The following DDX41 variants were observed in gnomAD, a reference collection of about 807,000 sequenced individuals.
DDX41 encodes the protein DEAD-box helicase 41.
Under a neutral mutation model 78.8 loss-of-function variants are expected in DDX41, and 50 were observed. The ratio of observed to expected loss-of-function variants is 0.63; its 90% CI spans 0.51 to 0.80. The LOEUF (loss-of-function observed/expected upper bound fraction) is 0.80. Ranked by LOEUF, DDX41 falls within the 30% of genes least tolerant of loss-of-function variation. The pLI is 0.00. For missense variants in DDX41, 633 were observed against 849.2 expected, an observed-to-expected ratio of 0.75 and a Z score of 3.16; for synonymous variants, 381 against 321.5, an observed-to-expected ratio of 1.19 and a Z score of -1.98.
chr5:177,516,182 ACT>A lies in DDX41; in HGVS notation c.308_309del (p.Glu103ValfsTer31). ...TCCTTCAGCTGCTTCTCCTTGGCAG[ACT>A]CTTTGCGCGCTGAGAAAAGAAGTGG... is the stretch of plus-strand genomic sequence containing the variant. ...HLKEKAEARKESAKEKQLKEE... is the reference protein window; with the variant it reads ...HLKEKAEARKXSAKEKQLKEE... On this transcript the variant is annotated frameshift_variant, in exon 4 of 17. Transcript: ENST00000330503. LOFTEE classifies it high-confidence loss of function. 6.2e-7 allele frequency: 1 copy of A among 1,613,962 alleles called. No individual in the cohort carries two copies. Among genetic ancestry groups the A allele is most frequent in the Non-Finnish European group, 8.5e-7 (1 of 1,180,016 alleles).
chr5:177,513,569 C>T lies in DDX41; in HGVS notation c.1099-85G>A. 1 of 1,608,572 alleles carries T rather than the reference C, an allele frequency of 6.2e-7. No individual in the cohort carries two copies. The highest frequency in any genetic ancestry group is 1.1e-5 in the South Asian group (1 of 90,724). On this transcript the variant is annotated intron_variant, in intron 10 of 16. Transcript: ENST00000330503. The surrounding 1 kb of genome is among the most constrained non-coding windows in gnomAD (Gnocchi z 4.6). The stretch of plus-strand genomic sequence containing the variant: ...CTGGGGAAGCTGAGCAACTGAGACA[C>T]AGCCCACAAAGTATGAGCAGTGGGT...
At position 177,514,905 on chromosome 5, in the gene DDX41, G is replaced by A; in HGVS notation, c.798+11C>T. The A allele has an allele frequency of 6.2e-7, 1 of 1,603,342 alleles. No homozygotes were observed. Among genetic ancestry groups the A allele is most frequent in the Non-Finnish European group, 8.5e-7 (1 of 1,171,414 alleles). On this transcript the variant is annotated intron_variant, in intron 8 of 16. Transcript: ENST00000330503. The surrounding 1 kb of genome is among the most constrained non-coding windows in gnomAD (Gnocchi z 4.2). Reference sequence around the variant, plus strand: ...AATCTCTGGCCTGCCCTCCAGGCCAGCCTATCTTACCGAGGGGCAGATGAT... The same window carrying A: ...AATCTCTGGCCTGCCCTCCAGGCCAACCTATCTTACCGAGGGGCAGATGAT...
At position 177,516,766 on chromosome 5, in the gene DDX41, AGTCCTCGTC is replaced by A; in HGVS notation, c.88_96del (p.Asp30_Asp32del). On this transcript the variant is annotated inframe_deletion, in exon 2 of 17. Coordinates refer to ENST00000330503, the MANE Select transcript of DDX41 (RefSeq NM_016222.4). ...TGCCGTAACGGCACATAGGGCACGTAGTCCTCGTCGTCCTCATCTTCCGCCTCGGAGCGG... is the reference window on the plus strand; with the variant it reads ...TGCCGTAACGGCACATAGGGCACGTAGTCCTCATCTTCCGCCTCGGAGCGG... 2 of 1,611,822 alleles carry A rather than the reference AGTCCTCGTC, an allele frequency of 1.2e-6. No homozygotes were observed. Among genetic ancestry groups the A allele is most frequent in the Non-Finnish European group, 1.7e-6 (2 of 1,179,450 alleles).
At chr5:177,512,931 C>T in intron 12 of DDX41, 55 bp from the exon 13 acceptor site, 1 of 1,606,828 alleles carries the variant, frequency 6.2e-7, no homozygotes, top group Non-Finnish European at 8.5e-7. Context: ...ACCCACCGCA[C>T]CTCCCCTGGC....
In DDX41 at chr5:177,513,150, C is replaced by T; in HGVS notation, c.1231-68G>A. The T allele has an allele frequency of 6.4e-7, 1 of 1,564,790 alleles. No individual in the cohort carries two copies. The highest frequency in any genetic ancestry group is 8.7e-7 in the Non-Finnish European group (1 of 1,144,212). ...TTACCCGCCACAGCCCTGCCATGGC[C>T]CGTCATCTGGACCAGGAGGTGACCA... On this transcript the variant is annotated intron_variant, in intron 11 of 16. Coordinates refer to ENST00000330503, the MANE Select transcript of DDX41 (RefSeq NM_016222.4). The surrounding 1 kb of genome is among the most constrained non-coding windows in gnomAD (Gnocchi z 4.6).
chr5:177,512,535 C>T lies in DDX41; in HGVS notation c.1510G>A (p.Val504Ile), dbSNP rs753078023. 3.7e-6 allele frequency: 6 copies of T among 1,614,032 alleles called. No individual in the cohort carries two copies. Among genetic ancestry groups the T allele is most frequent in the Non-Finnish European group, 3.4e-6 (4 of 1,180,040 alleles). The change falls in exon 14 of 17, where the codon GTC (valine) becomes ATC (isoleucine). Residue 504 changes from valine (V) to isoleucine (I), a missense_variant. Val to Ile is a conservative substitution (Grantham distance 29). Coordinates refer to ENST00000330503, the MANE Select transcript of DDX41 (RefSeq NM_016222.4). ...TCCTCTGGCATGTCATAATTGATGA[C>T]GTGCTGGATGGCAGGGAAGTCCAGG... ...KGLDFPAIQH[V>I]INYDMPEEIE...
rs769920691 is a variant in DDX41 at position 177,516,235 on chromosome 5, G to T, written c.299-42C>A. Reference sequence around the variant, plus strand: ...AAGATGTCAGACAGATACCAAAACGGTGTACCAGGCTCAGCTTCTTCTTTC... The same window carrying T: ...AAGATGTCAGACAGATACCAAAACGTTGTACCAGGCTCAGCTTCTTCTTTC... On this transcript the variant is annotated intron_variant, in intron 3 of 16. Transcript: ENST00000330503. 5.0e-6 allele frequency: 8 copies of T among 1,614,022 alleles called. No homozygotes were observed. The Admixed American group carries it at 6.7e-5, about 13-fold the overall frequency.
rs1035270046 is a variant in DDX41 at position 177,515,277 on chromosome 5, A to G, written c.572-19T>C. The G allele has an allele frequency of 2.9e-5, 46 of 1,613,636 alleles. No homozygotes were observed. The highest frequency in any genetic ancestry group is 3.7e-5 in the Non-Finnish European group (44 of 1,179,822). Reference sequence around the variant, plus strand: ...AGGATGGCTATGAAAACCAACCGACATCGTCTTCATGACTCACAGGTACTT... The same window carrying G: ...AGGATGGCTATGAAAACCAACCGACGTCGTCTTCATGACTCACAGGTACTT... On this transcript the variant is annotated intron_variant, in intron 6 of 16. Transcript: ENST00000330503.
At position 177,514,110 on chromosome 5, in the gene DDX41, C is replaced by T; in HGVS notation, c.936-263G>A. ...CTCACCCAGAAGCGCTGTCATCAAG[C>T]TCCAGAGGCTTTACTCTGGGCTCGC... On this transcript the variant is annotated intron_variant, in intron 9 of 16. Coordinates refer to ENST00000330503, the MANE Select transcript of DDX41 (RefSeq NM_016222.4). The surrounding 1 kb of genome is among the most constrained non-coding windows in gnomAD (Gnocchi z 4.2). The T allele has an allele frequency of 1.6e-6, 1 of 641,856 alleles. No homozygotes were observed. The allele number at this position is 641,856 out of a possible 1,614,324, so 39.8% of individuals were successfully genotyped here.
rs1324464364 is a variant in DDX41 at position 177,515,999 on chromosome 5, G to A, written c.374-10C>T. The stretch of plus-strand genomic sequence containing the variant: ...TTCACTGACATCAATGCTGAAGAGA[G>A]AGACATGGCTCAGGGCTGGCTCCTG... On this transcript the variant is annotated splice_polypyrimidine_tract_variant and intron_variant, in intron 4 of 16. Transcript: ENST00000330503. The A allele has an allele frequency of 1.2e-6, 2 of 1,614,216 alleles. No homozygotes were observed. The highest frequency in any genetic ancestry group is 2.2e-5 in the East Asian group (1 of 44,888).
In DDX41 at chr5:177,514,422, A is replaced by C; in HGVS notation, c.935+279T>G. On this transcript the variant is annotated intron_variant, in intron 9 of 16. Transcript: ENST00000330503. The surrounding 1 kb of genome is among the most constrained non-coding windows in gnomAD (Gnocchi z 4.2). The stretch of plus-strand genomic sequence containing the variant: ...TCAGCCTGGACTGCCCCTCTTCCCA[A>C]TTCAAATGTCACCTTCCCGGAAAAG... The C allele has an allele frequency of 1.9e-6, 1 of 537,232 alleles. No individual in the cohort carries two copies. The highest frequency in any genetic ancestry group is 2.0e-5 in the South Asian group (1 of 50,052). 33.3% of individuals were successfully genotyped at this position (537,232 alleles called of 1,614,324 possible). A position where few individuals can be genotyped will look rare whatever the true frequency, so the allele number is the denominator to read the frequency against.
Position 177,513,799 on chromosome 5 carries a change from C to A in DDX41, c.984G>T (p.Leu328=), listed in dbSNP as rs754052450. 1.9e-6 allele frequency: 3 copies of A among 1,613,712 alleles called. No homozygotes were observed. Among genetic ancestry groups the A allele is most frequent in the African/African-American group, 2.7e-5 (2 of 74,912 alleles). Residue 328 remains leucine, a synonymous_variant, in exon 10 of 17, where the codon CTG becomes CTT. Coordinates refer to ENST00000330503, the MANE Select transcript of DDX41 (RefSeq NM_016222.4). This position sits in a 1 kb window ranked among gnomAD's most constrained non-coding sequence, Gnocchi z 4.6. ...TGTCTAGGCTGACCATCTTCTTCTG[C>A]AGCAAATCCATGAGGCGCCCCGGGG... ...VATPGRLMDL[L]QKKMVSLDIC...
At position 177,516,957 on chromosome 5, in the gene DDX41, C is replaced by T; in HGVS notation, c.-12G>A. The T allele has an allele frequency of 6.2e-7, 1 of 1,607,944 alleles. No individual in the cohort carries two copies. Among genetic ancestry groups the T allele is most frequent in the Non-Finnish European group, 8.5e-7 (1 of 1,175,844 alleles). ...TCCGACTCCTCCATTCTTTGCTGCA[C>T]GCATGCGCGCCACGGCGAAACCCCG... On this transcript the variant is annotated 5_prime_UTR_variant, in exon 1 of 17. It adds an upstream start codon to the 5' untranslated region. Coordinates refer to ENST00000330503, the MANE Select transcript of DDX41 (RefSeq NM_016222.4).
chr5:177,514,661 C>A lies in DDX41; in HGVS notation c.935+40G>T. The stretch of plus-strand genomic sequence containing the variant: ...GTCCTTTAGCTTTTCCACAGACTCG[C>A]AGGTGGCAGAGGTGGGGGGCAGGGA... On this transcript the variant is annotated intron_variant, in intron 9 of 16. Coordinates refer to ENST00000330503, the MANE Select transcript of DDX41 (RefSeq NM_016222.4). The surrounding 1 kb of genome is among the most constrained non-coding windows in gnomAD (Gnocchi z 4.2). 1 of 1,588,676 alleles carries A rather than the reference C, an allele frequency of 6.3e-7. No individual in the cohort carries two copies. The highest frequency in any genetic ancestry group is 8.6e-7 in the Non-Finnish European group (1 of 1,165,510).
chr5:177,516,355 G>T lies in DDX41; in HGVS notation c.231C>A (p.Ile77=). 6.2e-7 allele frequency: 1 copy of T among 1,614,118 alleles called. No homozygotes were observed. Among genetic ancestry groups the T allele is most frequent in the South Asian group, 1.1e-5 (1 of 91,082 alleles). ...GSEPRGDEDD[I]PLGPQSNVSL... is the part of the protein sequence containing the mutation. ...TGACGTTGGACTGAGGGCCTAGCGG[G>T]ATGTCGTCCTCATCTCCCCGGGGTT... is the stretch of plus-strand genomic sequence containing the variant. The change falls in exon 3 of 17, where the codon ATC becomes ATA. Residue 77 remains isoleucine, a synonymous_variant. Transcript: ENST00000330503.
chr5:177,513,167 A>G lies in DDX41; in HGVS notation c.1231-85T>C, dbSNP rs1193380045. ...GCCATGGCCCGTCATCTGGACCAGG[A>G]GGTGACCAGAAGCCTCTGGCCGCCA... On this transcript the variant is annotated intron_variant, in intron 11 of 16. Coordinates refer to ENST00000330503, the MANE Select transcript of DDX41 (RefSeq NM_016222.4). This position sits in a 1 kb window ranked among gnomAD's most constrained non-coding sequence, Gnocchi z 4.6. 1.3e-6 allele frequency: 2 copies of G among 1,536,384 alleles called. No individual in the cohort carries two copies. Among genetic ancestry groups the G allele is most frequent in the Non-Finnish European group, 8.9e-7 (1 of 1,123,714 alleles).
At chr5:177,515,860 T>G in intron 5 of DDX41, 39 bp from the exon 6 acceptor site, 1 of 1,614,136 alleles carries the variant, frequency 6.2e-7, no homozygotes, top group Non-Finnish European at 8.5e-7. Flanking sequence ...GCCCTGGGAA[T>G]AGCTGGCCTG....
chr5:177,515,886 G>A (rs1761205325), intron 5 of DDX41, 43 bp downstream of exon 5: 3 of 1,614,016 alleles, frequency 1.9e-6, no homozygotes, highest in Non-Finnish European at 2.5e-6. Flanking sequence ...ATCCCTGCAT[G>A]TACCATCCTA....
At position 177,514,903 on chromosome 5, in the gene DDX41, C is replaced by T. The variant is rs761188003; in HGVS notation, c.798+13G>A. 6.2e-7 allele frequency: 1 copy of T among 1,603,286 alleles called. No homozygotes were observed. The highest frequency in any genetic ancestry group is 1.1e-5 in the South Asian group (1 of 90,974). ...CCAATCTCTGGCCTGCCCTCCAGGCCAGCCTATCTTACCGAGGGGCAGATG... is the reference window on the plus strand; with the variant it reads ...CCAATCTCTGGCCTGCCCTCCAGGCTAGCCTATCTTACCGAGGGGCAGATG... On this transcript the variant is annotated intron_variant, in intron 8 of 16. Transcript: ENST00000330503. The surrounding 1 kb of genome is among the most constrained non-coding windows in gnomAD (Gnocchi z 4.2).
Sources: gnomAD v4.1 joint callset for allele counts on GRCh38, gnomAD v4.1.1 for gene constraint, Gnocchi (gnomAD v3.1) non-coding constraint, MANE v1.5 for transcripts, NCBI Gene and HGNC (gene_info 2026-07-23, HGNC 2026-07-21) for gene names.